Variants in EPB41L3 observed in about 807,000 individuals in gnomAD.
EPB41L3 encodes the protein band 4.1-like protein 3.
In EPB41L3, 57 loss-of-function variants were observed where a neutral mutation model predicts 127.1. That is an observed-to-expected ratio of 0.45 (90% confidence interval 0.36 to 0.56). The LOEUF (loss-of-function observed/expected upper bound fraction) is 0.56, where lower values mean the gene tolerates loss of function less well. Among genes scored for constraint, EPB41L3 ranks in the 20% least tolerant of loss-of-function variants. The pLI is 0.00. For missense variants in EPB41L3, 1,273 were observed against 1,372.2 expected (o/e 0.93, Z 1.14); for synonymous variants, 572 against 549.5 (o/e 1.04, Z -0.57).
At chr18:5,499,951 C>T (rs2091588063) in intron 1 of EPB41L3, among the ~76,000 whole-genome samples, 1 of 151,584 alleles carries the variant, frequency 6.6e-6, no homozygotes, top group Non-Finnish European at 1.5e-5. Context: ...TCCTGGGAAA[C>T]AAAAAATAAA....
At chr18:5,562,548 G>A (rs1185280331) in intron 3 of EPB41L3, among the ~76,000 whole-genome samples, 1 of 152,174 alleles carries the variant, frequency 6.6e-6, no homozygotes, top group Non-Finnish European at 1.5e-5. Context: ...AAAGGGGATG[G>A]GTCAGGGTAC....
chr18:5,476,016 G>T (rs2087132648), intron 3 of EPB41L3, among the ~76,000 whole-genome samples: 2 of 151,872 alleles, frequency 1.3e-5, no homozygotes, highest in South Asian at 4.2e-4. Context: ...ACTTTCCATT[G>T]TTTATATCAA....
chr18:5,534,955 T>C (rs367713501), intron 1 of EPB41L3, among the ~76,000 whole-genome samples: 58 of 152,278 alleles, frequency 3.8e-4, no homozygotes, highest in African/African-American at 1.3e-3. Flanking sequence ...ATTTTCTTTA[T>C]TCTGCAACAA....
At chr18:5,586,946 CCCTGTA>C (rs2094447296) in intron 3 of EPB41L3, among the ~76,000 whole-genome samples, 2 of 152,064 alleles carry the variant, frequency 1.3e-5, no homozygotes, top group South Asian at 4.1e-4. Context: ...AGTTCTTTCA[CCCTGTA>C]CCTGTGCATG....
chr18:5,595,634 T>C (rs1469514437), intron 3 of EPB41L3, among the ~76,000 whole-genome samples: 1 of 152,134 alleles, frequency 6.6e-6, no homozygotes, highest in Non-Finnish European at 1.5e-5. Context: ...GTAGGATGCA[T>C]CCCACCCCAG....
chr18:5,395,790 G>A (rs942381588), intron 19 of EPB41L3, 83 bp from the exon 20 acceptor site: 127 of 1,017,030 alleles, frequency 1.2e-4, no homozygotes, highest in Non-Finnish European at 3.2e-5. Flanking sequence ...AAGGCATTAC[G>A]ACAATTTCAC....
intron 1 of EPB41L3, among the ~76,000 whole-genome samples, chr18:5,534,989 G>A (rs2093525947): frequency 6.6e-6 from 1 of 152,108 alleles, no homozygotes; most frequent in South Asian, 2.1e-4. Context: ...CTGGGCCAAG[G>A]ACAGTGGTGG....
intron 15 of EPB41L3, 173 bp from the exon 16 acceptor site, chr18:5,407,141 C>T: frequency 3.3e-6 from 2 of 601,780 alleles, no homozygotes; most frequent in Non-Finnish European, 2.9e-6. Flanking sequence ...GTGATTTTCC[C>T]ATGGAAAGGA....
At chr18:5,605,088 G>A (rs947670893) in intron 3 of EPB41L3, among the ~76,000 whole-genome samples, 3 of 152,046 alleles carry the variant, frequency 2.0e-5, no homozygotes, top group African/African-American at 2.4e-5. Context: ...GTCTCTGTGG[G>A]GGAAGAAATG....
intron 3 of EPB41L3, among the ~76,000 whole-genome samples, chr18:5,550,444 T>A (rs533629333): frequency 6.6e-6 from 1 of 152,358 alleles, no homozygotes; most frequent in South Asian, 2.1e-4. Flanking sequence ...TATCAATTTA[T>A]TAAGGTTATT....
At chr18:5,508,560 G>T (rs1344855359) in intron 1 of EPB41L3, among the ~76,000 whole-genome samples, 1 of 152,024 alleles carries the variant, frequency 6.6e-6, no homozygotes, top group African/African-American at 2.4e-5. Context: ...AAGGTCAGGA[G>T]ATCGAGACCA....
intron 3 of EPB41L3, among the ~76,000 whole-genome samples, chr18:5,561,134 C>CGT (rs1568574920): frequency 7.1e-6 from 1 of 141,700 alleles, no homozygotes; most frequent in Non-Finnish European, 1.6e-5. Flanking sequence ...CCCGCCACTA[C>CGT]GCCCGGCTAA....
Position 5,416,284 on chromosome 18 carries a change from T to C in EPB41L3, c.1601A>G (p.Glu534Gly). 1 of 1,614,086 alleles carries C rather than the reference T, an allele frequency of 6.2e-7. No individual in the cohort carries two copies. The highest frequency in any genetic ancestry group is 8.5e-7 in the Non-Finnish European group (1 of 1,180,022). ...SPTELRRRCKENDCKLPGYEP... is the reference protein window; with the variant it reads ...SPTELRRRCKGNDCKLPGYEP... ...ATAACCTGGCAGTTTGCAGTCATTC[T>C]CCTTACACCTCCTACGGAGCTCTGT... The change falls in exon 13 of 23, where the codon GAG (glutamate) becomes GGG (glycine). Residue 534 changes from glutamate (E) to glycine (G), a missense_variant. Around this residue, in one of 3 missense-constraint regions of EPB41L3, gnomAD observed 765 missense variants for 782.9 expected, o/e 0.98. Coordinates refer to ENST00000341928, the MANE Select transcript of EPB41L3 (RefSeq NM_012307.5).
intron 1 of EPB41L3, among the ~76,000 whole-genome samples, chr18:5,528,524 T>G (rs1024987671): frequency 6.6e-6 from 1 of 152,032 alleles, no homozygotes; most frequent in African/African-American, 2.4e-5. Flanking sequence ...CAATCAACCC[T>G]TTTGTGTATC....
At chr18:5,627,211 A>G (rs2094931944) in intron 1 of EPB41L3, among the ~76,000 whole-genome samples, 1 of 152,172 alleles carries the variant, frequency 6.6e-6, no homozygotes, top group Non-Finnish European at 1.5e-5. Context: ...TTTCTCATGT[A>G]TCTACACAAT....
chr18:5,619,471 G>A (rs1379981706), intron 1 of EPB41L3, among the ~76,000 whole-genome samples: 1 of 151,884 alleles, frequency 6.6e-6, no homozygotes, highest in Non-Finnish European at 1.5e-5. Flanking sequence ...CTCATTTCCA[G>A]ATACAAAGTT....
At chr18:5,464,901 T>A (rs961734182) in intron 3 of EPB41L3, among the ~76,000 whole-genome samples, 1 of 152,188 alleles carries the variant, frequency 6.6e-6, no homozygotes, top group Non-Finnish European at 1.5e-5. Context: ...TAATAGACTT[T>A]CCCACATTAT....
intron 4 of EPB41L3, among the ~76,000 whole-genome samples, chr18:5,444,636 A>G (rs544190636): frequency 3.2e-4 from 49 of 152,346 alleles, no homozygotes; most frequent in Non-Finnish European, 5.9e-5. Context: ...TCAGCACACA[A>G]TCCCCCTCAT....
At chr18:5,544,131 C>G (rs1157989883), upstream of EPB41L3, 5 of 985,400 alleles carry the variant, frequency 5.1e-6, no homozygotes, top group South Asian at 9.4e-5. Flanking sequence ...AAGCCAACCT[C>G]GTCCTGCCTG....
Sources: allele counts gnomAD v4.1 joint callset (sites outside exome capture counted in the v4.1 genomes callset), GRCh38; gene constraint gnomAD v4.1.1; regional missense constraint gnomAD v4.1.1; transcripts MANE v1.5; gene names NCBI Gene and HGNC (gene_info 2026-07-23, HGNC 2026-07-21).